Variants in DPY19L4 observed in about 807,000 individuals in gnomAD.
The protein encoded by DPY19L4 is dpy-19 like 4.
A neutral mutation model predicts 102.8 loss-of-function variants in DPY19L4; 97 were observed. That is an observed-to-expected ratio of 0.94 (90% confidence interval 0.80 to 1.12). The LOEUF (loss-of-function observed/expected upper bound fraction) is 1.12, where lower values mean the gene tolerates loss of function less well. DPY19L4 is among the 50% of genes most tolerant of loss of function. DPY19L4 has a pLI of 0.00. For synonymous variants in DPY19L4, 252 were observed against 283.1 expected (o/e 0.89, Z 1.10); for missense variants, 815 against 850.4 (o/e 0.96, Z 0.52).
Position 94,756,081 on chromosome 8 carries a change from C to G in DPY19L4, c.657C>G (p.Asn219Lys). ...RIEYSIPLRE[N>K]WALPYFACQI... ...AATACTCCATTCCTTTAAGAGAAAA[C>G]TGGGCACTACCATATTTTGCATGCC... is the stretch of plus-strand genomic sequence containing the variant. The change falls in exon 7 of 19, where the codon AAC becomes AAG. Residue 219 changes from asparagine (N) to lysine (K), a missense_variant. Coordinates refer to ENST00000414645, the MANE Select transcript of DPY19L4 (RefSeq NM_181787.3). The G allele has an allele frequency of 6.2e-7, 1 of 1,613,396 alleles. No individual in the cohort carries two copies.
intron 6 of DPY19L4, among the ~76,000 whole-genome samples, chr8:94,743,050 G>A (rs1306587889): frequency 1.3e-5 from 2 of 151,196 alleles, no homozygotes; most frequent in African/African-American, 4.9e-5. Context: ...TTTTTGAGAT[G>A]TAGTCTTGCT....
At chr8:94,773,558 G>A (rs1002385635) in intron 13 of DPY19L4, among the ~76,000 whole-genome samples, 7 of 151,330 alleles carry the variant, frequency 4.6e-5, no homozygotes, top group East Asian at 4.0e-4. Context: ...AGCCTCCCAA[G>A]TAGCTGGGAT....
At chr8:94,736,976 A>G (rs1811214591) in intron 3 of DPY19L4, among the ~76,000 whole-genome samples, 1 of 152,204 alleles carries the variant, frequency 6.6e-6, no homozygotes, top group Non-Finnish European at 1.5e-5. Context: ...ATATATAACA[A>G]GTGATGACTT....
Position 94,726,411 on chromosome 8 carries a change from G to C in DPY19L4, c.97G>C (p.Asp33His), listed in dbSNP as rs369139666. 9 of 1,610,550 alleles carry C rather than the reference G, an allele frequency of 5.6e-6. No homozygotes were observed. The African/African-American group carries it at 1.2e-4, about 22-fold the overall frequency. The stretch of plus-strand genomic sequence containing the variant: ...ATCTGCCAAAGAAGAGAAAATCAGT[G>C]ACATTCCAATTCCTGAAAGAGCTCC... Reference protein sequence around the residue: ...KESAKEEKISDIPIPERAPKH... With the variant: ...KESAKEEKISHIPIPERAPKH... Residue 33 changes from aspartate (D) to histidine (H), a missense_variant, in exon 2 of 19, where the codon GAC (aspartate) becomes CAC (histidine). Asp to His is a moderately conservative substitution (Grantham distance 81). Transcript: ENST00000414645.
chr8:94,720,113 G>T, intron 1 of DPY19L4, 99 bp downstream of exon 1: 1 of 1,408,510 alleles, frequency 7.1e-7, no homozygotes, highest in Non-Finnish European at 9.2e-7. Context: ...TGGTGGCCGC[G>T]GTCGCGGTGG....
chr8:94,772,742 C>T (rs961673023), intron 13 of DPY19L4, among the ~76,000 whole-genome samples: 2 of 152,220 alleles, frequency 1.3e-5, no homozygotes, highest in South Asian at 4.1e-4. Context: ...CACCATAAAT[C>T]ACACTGTTAG....
intron 17 of DPY19L4, among the ~76,000 whole-genome samples, chr8:94,787,683 G>A (rs1271616167): frequency 6.6e-6 from 1 of 151,910 alleles, no homozygotes; most frequent in African/African-American, 2.4e-5. Context: ...AAAAATTATA[G>A]TAAAAAGCAC....
rs184949239 is a variant in DPY19L4 at position 94,734,258 on chromosome 8, G to C, written c.128-372G>C. Reference sequence around the variant, plus strand: ...ATTTTAGTTTCACCATGTTGGCCAGGCTGGTCTCAAACTCCTGACCTCAAG... The same window carrying C: ...ATTTTAGTTTCACCATGTTGGCCAGCCTGGTCTCAAACTCCTGACCTCAAG... On this transcript the variant is annotated intron_variant, in intron 2 of 18. Coordinates refer to ENST00000414645, the MANE Select transcript of DPY19L4 (RefSeq NM_181787.3). Among the ~76,000 whole-genome samples the C allele has an allele frequency of 1.4e-4, 22 of 152,050 alleles. No individual in the cohort carries two copies. In the East Asian group the frequency reaches 4.3e-3, roughly 29 times the overall value.
chr8:94,771,661 C>A (rs556898151), intron 13 of DPY19L4, among the ~76,000 whole-genome samples: 1 of 152,242 alleles, frequency 6.6e-6, no homozygotes, highest in South Asian at 2.1e-4. Flanking sequence ...CTAGGTGAAC[C>A]AAAGAGGCAA....
At chr8:94,760,509 C>G (rs1812353500) in intron 7 of DPY19L4, among the ~76,000 whole-genome samples, 1 of 152,194 alleles carries the variant, frequency 6.6e-6, no homozygotes, top group Admixed American at 6.5e-5. Flanking sequence ...ACATTCGGTT[C>G]TCTGGTCTTA....
At chr8:94,763,806 G>A (rs532897872) in intron 8 of DPY19L4, among the ~76,000 whole-genome samples, 2 of 152,044 alleles carry the variant, frequency 1.3e-5, no homozygotes, top group Non-Finnish European at 1.5e-5. Context: ...GGGATTACAG[G>A]CGTGAGCCAC....
At chr8:94,765,896 C>T in intron 10 of DPY19L4, 87 bp downstream of exon 10, 1 of 844,834 alleles carries the variant, frequency 1.2e-6, no homozygotes. Context: ...AATGAGATAG[C>T]ACGTAATAGA....
intron 2 of DPY19L4, among the ~76,000 whole-genome samples, chr8:94,732,290 C>A (rs147668976): frequency 3.4e-4 from 51 of 152,090 alleles, no homozygotes; most frequent in African/African-American, 1.2e-3. Flanking sequence ...GGGTTTTAGG[C>A]CTTTAGTCCC....
chr8:94,739,381 A>C (rs1001842852), intron 4 of DPY19L4, 32 bp from the exon 5 acceptor site: 1 of 1,526,046 alleles, frequency 6.6e-7, no homozygotes, highest in Non-Finnish European at 8.7e-7. Flanking sequence ...AAGCAGAATA[A>C]ATAATCTGGA....
chr8:94,764,381 C>T (rs1003850307), intron 8 of DPY19L4, among the ~76,000 whole-genome samples: 1 of 151,664 alleles, frequency 6.6e-6, no homozygotes, highest in Non-Finnish European at 1.5e-5. Context: ...TCGAGACCAT[C>T]CTGACTAACA....
At position 94,790,550 on chromosome 8, in the gene DPY19L4, A is replaced by G. The variant is rs1051386373; in HGVS notation, c.*640A>G. The G allele has an allele frequency of 3.9e-5, 6 of 152,378 alleles. No individual in the cohort carries two copies. Among genetic ancestry groups the G allele is most frequent in the South Asian group, 2.1e-4 (1 of 4,838 alleles). 9.4% of individuals were successfully genotyped at this position (152,378 alleles called of 1,614,324 possible). ...GAACTTTCTTAGTAATACATAATGC[A>G]TGATGTTACTGCATTTTCTAAATGA... On this transcript the variant is annotated 3_prime_UTR_variant, in exon 19 of 19. Coordinates refer to ENST00000414645, the MANE Select transcript of DPY19L4 (RefSeq NM_181787.3).
chr8:94,769,250 G>A (rs1054417213), intron 12 of DPY19L4, among the ~76,000 whole-genome samples: 6 of 151,512 alleles, frequency 4.0e-5, no homozygotes, highest in Non-Finnish European at 8.8e-5. Flanking sequence ...TAGTAGAGAT[G>A]GGGTTTCTCC....
intron 12 of DPY19L4, among the ~76,000 whole-genome samples, chr8:94,769,537 G>A (rs912884520): frequency 6.6e-6 from 1 of 151,806 alleles, no homozygotes; most frequent in African/African-American, 2.4e-5. Context: ...AATGAAGTTA[G>A]CAGTATAAGT....
At chr8:94,763,547 G>A (rs1478797456) in intron 8 of DPY19L4, among the ~76,000 whole-genome samples, 1 of 149,452 alleles carries the variant, frequency 6.7e-6, no homozygotes, top group East Asian at 2.0e-4. Flanking sequence ...TTGAGACAGA[G>A]TCTTGCTCTG....
Sources: allele counts gnomAD v4.1 joint callset (sites outside exome capture counted in the v4.1 genomes callset), GRCh38; gene constraint gnomAD v4.1.1; transcripts MANE v1.5; gene names NCBI Gene and HGNC (gene_info 2026-07-23, HGNC 2026-07-21).